The following GABRG3 variants were observed in gnomAD, a reference collection of about 807,000 sequenced individuals.
GABRG3 encodes the protein gamma-aminobutyric acid receptor subunit gamma-3.
Under a neutral mutation model 48.8 loss-of-function variants are expected in GABRG3, and 25 were observed. That is an observed-to-expected ratio of 0.51 (90% CI 0.37 to 0.72). The LOEUF is 0.72. GABRG3 is among the 30% of genes least tolerant of loss of function. The pLI, the probability that GABRG3 is intolerant of heterozygous loss-of-function variation, is 0.00. For synonymous variants in GABRG3, 227 were observed against 217.6 expected, an observed-to-expected ratio of 1.04 and a Z score of -0.38; for missense variants, 394 against 577.9, an observed-to-expected ratio of 0.68 and a Z score of 3.26.
chr15:27,510,337 CG>C (rs1890866768), intron 6 of GABRG3, among the ~76,000 whole-genome samples: 1 of 152,146 alleles, frequency 6.6e-6, no homozygotes, highest in African/African-American at 2.4e-5. Context: ...TTGGGCCCAA[CG>C]GTACTGCCAT....
At chr15:27,432,928 A>G (rs1311283388) in intron 5 of GABRG3, among the ~76,000 whole-genome samples, 1 of 152,208 alleles carries the variant, frequency 6.6e-6, no homozygotes, top group Non-Finnish European at 1.5e-5. Flanking sequence ...CTGCCACTGT[A>G]CAGCAAGAAG....
At chr15:27,004,500 A>G (rs537161795) in intron 2 of GABRG3, among the ~76,000 whole-genome samples, 1 of 150,640 alleles carries the variant, frequency 6.6e-6, no homozygotes, top group Admixed American at 6.6e-5. Context: ...CACATCCCAG[A>G]CGATGGGCGG....
chr15:27,032,028 T>C (rs1896095900), intron 3 of GABRG3, among the ~76,000 whole-genome samples: 1 of 152,208 alleles, frequency 6.6e-6, no homozygotes, highest in Non-Finnish European at 1.5e-5. Context: ...GTTCTAGGAC[T>C]CTGCTCATGT....
intron 3 of GABRG3, among the ~76,000 whole-genome samples, chr15:27,098,978 A>G (rs748433927): frequency 3.9e-5 from 6 of 152,152 alleles, no homozygotes; most frequent in Non-Finnish European, 8.8e-5. Context: ...ATGATGAGTT[A>G]GCCCCAGTCC....
At chr15:27,143,736 T>A (rs2140391400) in intron 3 of GABRG3, among the ~76,000 whole-genome samples, 1 of 152,316 alleles carries the variant, frequency 6.6e-6, no homozygotes, top group Non-Finnish European at 1.5e-5. Context: ...AAATGTTATA[T>A]GATTCACTTT....
chr15:27,422,896 G>A (rs1007823263), intron 5 of GABRG3, among the ~76,000 whole-genome samples: 1 of 152,124 alleles, frequency 6.6e-6, no homozygotes, highest in African/African-American at 2.4e-5. Flanking sequence ...TACAGAGCAA[G>A]AGCAACTGGG....
intron 4 of GABRG3, among the ~76,000 whole-genome samples, chr15:27,327,412 A>G (rs1893652339): frequency 6.6e-6 from 1 of 152,164 alleles, no homozygotes; most frequent in South Asian, 2.1e-4. Context: ...TTCCCAGCAC[A>G]TCCCTAAGGG....
At chr15:27,102,883 A>C (rs562760000) in intron 3 of GABRG3, among the ~76,000 whole-genome samples, 7 of 152,344 alleles carry the variant, frequency 4.6e-5, no homozygotes, top group South Asian at 4.1e-4. Flanking sequence ...CGGCATTAAA[A>C]ACTAACCATG....
At position 27,352,822 on chromosome 15, in the gene GABRG3, A is replaced by G. The variant is rs1205195178; in HGVS notation, c.574+23934A>G. Among the ~76,000 whole-genome samples, 2 of 152,142 alleles carry G rather than the reference A, an allele frequency of 1.3e-5. No homozygotes were observed. The highest frequency in any genetic ancestry group is 4.8e-5 in the African/African-American group (2 of 41,420). The stretch of plus-strand genomic sequence containing the variant: ...TGCAATATGGGGCCCAGGTATAGCA[A>G]CACCTAACTCATAGGACTATGGGGG... On this transcript the variant is annotated intron_variant, in intron 5 of 9. Transcript: ENST00000615808. This position sits in a 1 kb window ranked among gnomAD's most constrained non-coding sequence, Gnocchi z 4.0.
intron 3 of GABRG3, among the ~76,000 whole-genome samples, chr15:27,150,548 C>T (rs553584597): frequency 2.6e-5 from 4 of 152,306 alleles, no homozygotes; most frequent in African/African-American, 4.8e-5. Flanking sequence ...TATTAAAACA[C>T]GTTTGTTCTT....
intron 9 of GABRG3, among the ~76,000 whole-genome samples, chr15:27,528,954 T>C (rs968080137): frequency 6.6e-6 from 1 of 152,234 alleles, no homozygotes; most frequent in Non-Finnish European, 1.5e-5. Flanking sequence ...TATCCTATTT[T>C]GTGCCTTTCT....
chr15:27,239,761 T>A (rs1890080535), intron 3 of GABRG3, among the ~76,000 whole-genome samples: 1 of 152,204 alleles, frequency 6.6e-6, no homozygotes, highest in South Asian at 2.1e-4. Flanking sequence ...CTGCCATTTT[T>A]CTAAAAATGT....
chr15:27,337,583 GACCCA>G (rs1894017285), intron 5 of GABRG3, among the ~76,000 whole-genome samples: 1 of 152,150 alleles, frequency 6.6e-6, no homozygotes, highest in Non-Finnish European at 1.5e-5. Context: ...CACAGTCTGA[GACCCA>G]CGCAGAGGTC....
intron 3 of GABRG3, among the ~76,000 whole-genome samples, chr15:27,320,645 T>C (rs1040951964): frequency 2.0e-5 from 3 of 152,146 alleles, no homozygotes; most frequent in Non-Finnish European, 4.4e-5. Context: ...AATAATGTTA[T>C]TAAATCATTG....
At chr15:27,099,259 C>A (rs567362416) in intron 3 of GABRG3, among the ~76,000 whole-genome samples, 1 of 152,128 alleles carries the variant, frequency 6.6e-6, no homozygotes, top group Non-Finnish European at 1.5e-5. Context: ...GTAGACTGTG[C>A]TAAGTTGTTG....
intron 3 of GABRG3, among the ~76,000 whole-genome samples, chr15:27,223,682 C>T (rs1889521672): frequency 6.6e-6 from 1 of 152,120 alleles, no homozygotes; most frequent in Admixed American, 6.5e-5. Flanking sequence ...GCTGGACAGA[C>T]GGATGGGTAT....
chr15:26,999,498 G>A (rs1028492269), intron 2 of GABRG3, among the ~76,000 whole-genome samples: 1 of 151,960 alleles, frequency 6.6e-6, no homozygotes, highest in Non-Finnish European at 1.5e-5. Context: ...TGTTTCATGT[G>A]TTTTTCCCCC....
chr15:27,427,109 TC>T (rs1183613344), intron 5 of GABRG3, among the ~76,000 whole-genome samples: 1 of 152,214 alleles, frequency 6.6e-6, no homozygotes, highest in Non-Finnish European at 1.5e-5. Flanking sequence ...CTAAATATGT[TC>T]CTTTATATAG....
At chr15:27,132,485 T>G (rs866064015) in intron 3 of GABRG3, among the ~76,000 whole-genome samples, 38 of 146,716 alleles carry the variant, frequency 2.6e-4, no homozygotes, top group African/African-American at 7.9e-4. Context: ...TTTTTTTTTT[T>G]TTTTTTTTTT....
Sources: allele counts gnomAD v4.1 joint callset (sites outside exome capture counted in the v4.1 genomes callset), GRCh38; gene constraint gnomAD v4.1.1; non-coding constraint Gnocchi (gnomAD v3.1); transcripts MANE v1.5; gene names NCBI Gene and HGNC (gene_info 2026-07-23, HGNC 2026-07-21).